The following TMED8 variants were observed in gnomAD, a reference collection of about 807,000 sequenced individuals.
The protein encoded by TMED8 is protein TMED8.
TMED8 carries 15 observed loss-of-function variants against 32.7 expected under a neutral mutation model. That is an observed-to-expected ratio of 0.46 (90% CI 0.31 to 0.71). The LOEUF is 0.71. TMED8 is among the 30% of genes least tolerant of loss of function. The pLI, the probability that TMED8 is intolerant of heterozygous loss-of-function variation, is 0.06. For synonymous variants in TMED8, 147 were observed against 161.4 expected (o/e 0.91, Z 0.68); for missense variants, 390 against 423.9 (o/e 0.92, Z 0.70).
intron 5 of TMED8, among the ~76,000 whole-genome samples, chr14:77,342,862 C>T (rs1032041759): frequency 2.6e-5 from 4 of 152,224 alleles, no homozygotes; most frequent in Non-Finnish European, 5.9e-5. Context: ...CTCTGGCTTA[C>T]ATGCGACCTG....
At chr14:77,365,968 T>C (rs1893543634) in intron 1 of TMED8, among the ~76,000 whole-genome samples, 1 of 152,238 alleles carries the variant, frequency 6.6e-6, no homozygotes, top group African/African-American at 2.4e-5. Flanking sequence ...AAGGCTATAA[T>C]TAGAAAATAA....
intron 2 of TMED8, among the ~76,000 whole-genome samples, chr14:77,347,153 C>CGGCCCACAG (rs1347471485): frequency 1.3e-5 from 2 of 152,096 alleles, no homozygotes; most frequent in East Asian, 1.9e-4. Context: ...CCTCACTCTG[C>CGGCCCACAG]GGCCCACAGG....
In TMED8 at chr14:77,341,091, T is replaced by A. The variant is rs1168549019; in HGVS notation, c.*680A>T. 6.6e-6 allele frequency: 1 copy of A among 152,246 alleles called. No homozygotes were observed. The highest frequency in any genetic ancestry group is 1.9e-4 in the East Asian group (1 of 5,202). The allele number at this position is 152,246 out of a possible 1,614,324, so 9.4% of individuals were successfully genotyped here. A position where few individuals can be genotyped will look rare whatever the true frequency, so the allele number is the denominator to read the frequency against. ...GGGGGCAGTTTTTCTTCCCACAAGA[T>A]CTTAGGTTACATTGATCATCACTTG... On this transcript the variant is annotated 3_prime_UTR_variant, in exon 6 of 6. Coordinates refer to ENST00000216468, the MANE Select transcript of TMED8 (RefSeq NM_213601.3).
chr14:77,346,562 T>C, intron 2 of TMED8, 84 bp from the exon 3 acceptor site: 1 of 1,563,334 alleles, frequency 6.4e-7, no homozygotes, highest in Non-Finnish European at 8.7e-7. Context: ...TAAAACAACA[T>C]TCGAGATACC....
At chr14:77,349,050 C>T (rs1893117734) in intron 2 of TMED8, among the ~76,000 whole-genome samples, 1 of 151,238 alleles carries the variant, frequency 6.6e-6, no homozygotes, top group Admixed American at 6.6e-5. Context: ...CTGGGTCTCA[C>T]TGCCTCTGTA....
chr14:77,344,084 A>G (rs960801945), intron 3 of TMED8, among the ~76,000 whole-genome samples: 3 of 152,190 alleles, frequency 2.0e-5, no homozygotes, highest in Non-Finnish European at 4.4e-5. Context: ...AACCCTTTAT[A>G]AGGTCCTTGT....
rs911729538 is a variant in TMED8 at position 77,338,851 on chromosome 14, A to C, written c.*2920T>G. 1 of 152,244 alleles carries C rather than the reference A, an allele frequency of 6.6e-6. No homozygotes were observed. Among genetic ancestry groups the C allele is most frequent in the African/African-American group, 2.4e-5 (1 of 41,466 alleles). The allele number at this position is 152,244 out of a possible 1,614,324, so 9.4% of individuals were successfully genotyped here. A position where few individuals can be genotyped will look rare whatever the true frequency, so the allele number is the denominator to read the frequency against. On this transcript the variant is annotated 3_prime_UTR_variant, in exon 6 of 6. Transcript: ENST00000216468. ...TGGGGGAAAAGAAATCAATACTTTA[A>C]ATATGTCTTCCTTTCTAAAAGGCCC...
At chr14:77,356,206 A>G (rs1268185651) in intron 1 of TMED8, among the ~76,000 whole-genome samples, 1 of 152,220 alleles carries the variant, frequency 6.6e-6, no homozygotes, top group African/African-American at 2.4e-5. Context: ...GCATGAAAAG[A>G]AGATACAGAG....
At position 77,377,080 on chromosome 14, in the gene TMED8, C is replaced by G. The variant is rs1893839933; in HGVS notation, c.-27G>C. The G allele has an allele frequency of 6.1e-6, 8 of 1,319,274 alleles. No homozygotes were observed. In the East Asian group the frequency reaches 1.5e-4, roughly 24 times the overall value. 81.7% of individuals were successfully genotyped at this position (1,319,274 alleles called of 1,614,324 possible). A position where few individuals can be genotyped will look rare whatever the true frequency, so the allele number is the denominator to read the frequency against. On this transcript the variant is annotated 5_prime_UTR_variant, in exon 1 of 6. Coordinates refer to ENST00000216468, the MANE Select transcript of TMED8 (RefSeq NM_213601.3). ...TGCAGCCCGCGCACGGAGCTCTCCG[C>G]TGCCAGCCGCGAGTGGCTCCGGAAA...
At chr14:77,354,339 C>T (rs73311375) in intron 1 of TMED8, among the ~76,000 whole-genome samples, 34,028 of 152,136 alleles carry the variant, frequency 0.22, 4,018 homozygotes, top group Admixed American at 0.29. Flanking sequence ...CTCTCCTATG[C>T]TCTATTTTTA....
chr14:77,342,082 C>T (rs1892917907), intron 5 of TMED8, 94 bp from the exon 6 acceptor site: 3 of 1,045,566 alleles, frequency 2.9e-6, no homozygotes, highest in Admixed American at 2.2e-5. Context: ...TTTCACAGAG[C>T]GGGGAGATTA....
chr14:77,356,572 T>C (rs1893295681), intron 1 of TMED8, among the ~76,000 whole-genome samples: 2 of 152,214 alleles, frequency 1.3e-5, no homozygotes, highest in African/African-American at 4.8e-5. Flanking sequence ...CATCATTGTA[T>C]CTACCATTAC....
At chr14:77,349,017 G>A (rs1225136065) in intron 2 of TMED8, among the ~76,000 whole-genome samples, 2 of 151,260 alleles carry the variant, frequency 1.3e-5, no homozygotes, top group Non-Finnish European at 2.9e-5. Context: ...TCCTCTACTA[G>A]AAAGTAAGCT....
At chr14:77,351,427 T>A (rs1375357053) in intron 2 of TMED8, among the ~76,000 whole-genome samples, 3 of 139,476 alleles carry the variant, frequency 2.2e-5, no homozygotes, top group Non-Finnish European at 4.7e-5. Flanking sequence ...TTTTTTTTTT[T>A]TTTTTTTGGA....
At chr14:77,359,134 T>C (rs1279613730) in intron 1 of TMED8, among the ~76,000 whole-genome samples, 1 of 152,144 alleles carries the variant, frequency 6.6e-6, no homozygotes, top group Non-Finnish European at 1.5e-5. Context: ...ATCTCAAAAC[T>C]CCTGAGCTCA....
intron 1 of TMED8, among the ~76,000 whole-genome samples, chr14:77,366,985 C>T (rs923600667): frequency 2.0e-5 from 3 of 152,104 alleles, no homozygotes; most frequent in Admixed American, 2.0e-4. Flanking sequence ...TGGCTTATAC[C>T]TGTAACTCCA....
At position 77,339,920 on chromosome 14, in the gene TMED8, G is replaced by A. The variant is rs1362890241; in HGVS notation, c.*1851C>T. 1 of 152,204 alleles carries A rather than the reference G, an allele frequency of 6.6e-6. No homozygotes were observed. Among genetic ancestry groups the A allele is most frequent in the Non-Finnish European group, 1.5e-5 (1 of 68,054 alleles). 9.4% of individuals were successfully genotyped at this position (152,204 alleles called of 1,614,324 possible). A position where few individuals can be genotyped will look rare whatever the true frequency, so the allele number is the denominator to read the frequency against. On this transcript the variant is annotated 3_prime_UTR_variant, in exon 6 of 6. Coordinates refer to ENST00000216468, the MANE Select transcript of TMED8 (RefSeq NM_213601.3). ...ATGTAGATGCTACTAGGGACCCACTGGGAAGAGTCCCGTTCCTTGAGTTAT... is the reference window on the plus strand; with the variant it reads ...ATGTAGATGCTACTAGGGACCCACTAGGAAGAGTCCCGTTCCTTGAGTTAT...
At position 77,335,470 on chromosome 14, in the gene TMED8, C is replaced by T. The variant is rs1393841130; in HGVS notation, c.*6301G>A. 6.6e-6 allele frequency: 1 copy of T among 152,204 alleles called. No individual in the cohort carries two copies. The highest frequency in any genetic ancestry group is 2.4e-5 in the African/African-American group (1 of 41,476). The allele number at this position is 152,204 out of a possible 1,614,324, so 9.4% of individuals were successfully genotyped here. A position where few individuals can be genotyped will look rare whatever the true frequency, so the allele number is the denominator to read the frequency against. ...ATATAGAACAGTAAGAAAATAATGT[C>T]TTTGTAGTTGCCAATTGCTTAAATC... On this transcript the variant is annotated 3_prime_UTR_variant, in exon 6 of 6. Transcript: ENST00000216468.
chr14:77,346,590 C>CTGGCA, intron 2 of TMED8, 112 bp from the exon 3 acceptor site: 1 of 1,394,054 alleles, frequency 7.2e-7, no homozygotes, highest in South Asian at 1.3e-5. Flanking sequence ...CCACCTGCCC[C>CTGGCA]TGGCATTTAT....
Sources: gnomAD v4.1 joint callset for allele counts (sites outside exome capture counted in the v4.1 genomes callset) on GRCh38, gnomAD v4.1.1 for gene constraint, MANE v1.5 for transcripts, NCBI Gene and HGNC (gene_info 2026-07-23, HGNC 2026-07-21) for gene names.